The following KCNC2 variants were observed in gnomAD, a reference collection of about 807,000 sequenced individuals.
The protein encoded by KCNC2 is potassium voltage-gated channel subfamily C member 2, also known as voltage-gated potassium channel KCNC2.
Under a neutral mutation model 44.5 loss-of-function variants are expected in KCNC2, and 21 were observed. That is an observed-to-expected ratio of 0.47 (90% confidence interval 0.33 to 0.68). The LOEUF is 0.68. KCNC2 is among the 30% of genes least tolerant of loss of function. The pLI is 0.01. For synonymous variants in KCNC2, 391 were observed against 339.1 expected (o/e 1.15, Z -1.68); for missense variants, 589 against 826.2 (o/e 0.71, Z 3.52).
intron 2 of KCNC2, among the ~76,000 whole-genome samples, chr12:75,133,592 C>T (rs1367841096): frequency 6.6e-6 from 1 of 151,930 alleles, no homozygotes; most frequent in East Asian, 1.9e-4. Flanking sequence ...CAAGCCCAAA[C>T]CATATATAAA....
intron 2 of KCNC2, among the ~76,000 whole-genome samples, chr12:75,194,926 C>T (rs1191542173): frequency 1.3e-5 from 2 of 152,120 alleles, no homozygotes; most frequent in Non-Finnish European, 2.9e-5. Context: ...CAGTTTAATA[C>T]CTGCTTTCAT....
chr12:75,143,430 A>G (rs370036716), intron 2 of KCNC2, among the ~76,000 whole-genome samples: 2 of 152,302 alleles, frequency 1.3e-5, no homozygotes, highest in South Asian at 2.1e-4. Flanking sequence ...CAGAATTTCC[A>G]TCAAGTGTAC....
At chr12:75,158,803 C>T (rs541037892) in intron 2 of KCNC2, among the ~76,000 whole-genome samples, 1 of 151,930 alleles carries the variant, frequency 6.6e-6, no homozygotes, top group South Asian at 2.1e-4. Context: ...GGGTTATCTT[C>T]TACAGATTTT....
At chr12:75,133,217 A>C (rs1888978732) in intron 2 of KCNC2, among the ~76,000 whole-genome samples, 1 of 152,000 alleles carries the variant, frequency 6.6e-6, no homozygotes, top group African/African-American at 2.4e-5. Flanking sequence ...CTAGTGTTTG[A>C]TAGCACAATG....
At chr12:75,178,899 T>C (rs1227469977) in intron 2 of KCNC2, among the ~76,000 whole-genome samples, 1 of 151,984 alleles carries the variant, frequency 6.6e-6, no homozygotes, top group Non-Finnish European at 1.5e-5. Flanking sequence ...TAGAAAAGTT[T>C]TGGGACCCAT....
intron 2 of KCNC2, among the ~76,000 whole-genome samples, chr12:75,074,185 A>T (rs1473006372): frequency 6.6e-6 from 1 of 151,996 alleles, no homozygotes; most frequent in Non-Finnish European, 1.5e-5. Context: ...AGGAAAAATA[A>T]GTAGGAGGTC....
intron 2 of KCNC2, among the ~76,000 whole-genome samples, chr12:75,082,031 GC>G (rs1884559548): frequency 6.6e-6 from 1 of 151,914 alleles, no homozygotes; most frequent in Non-Finnish European, 1.5e-5. Flanking sequence ...TGAACAAGTT[GC>G]CTTTCTGCTA....
intron 3 of KCNC2, among the ~76,000 whole-genome samples, 155 bp from the exon 4 acceptor site, chr12:75,048,472 G>A (rs1231997899): frequency 6.6e-6 from 1 of 151,948 alleles, no homozygotes; most frequent in African/African-American, 2.4e-5. Flanking sequence ...CACTCTTCAC[G>A]AAAAATTACA....
intron 2 of KCNC2, among the ~76,000 whole-genome samples, chr12:75,107,240 G>A (rs1246207927): frequency 6.6e-6 from 1 of 152,060 alleles, no homozygotes; most frequent in African/African-American, 2.4e-5. Context: ...GGAGGTGGAG[G>A]TTGCAGTGAG....
intron 2 of KCNC2, among the ~76,000 whole-genome samples, chr12:75,061,197 A>G (rs1199834556): frequency 1.3e-5 from 2 of 152,226 alleles, no homozygotes; most frequent in East Asian, 1.9e-4. Flanking sequence ...GCCATACCAA[A>G]CATAAAGTTT....
chr12:75,118,576 T>C (rs1887837792), intron 2 of KCNC2, among the ~76,000 whole-genome samples: 1 of 151,714 alleles, frequency 6.6e-6, no homozygotes, highest in Non-Finnish European at 1.5e-5. Flanking sequence ...AGAAGACCAG[T>C]GGGGCCAGAA....
intron 2 of KCNC2, among the ~76,000 whole-genome samples, chr12:75,076,938 A>G (rs10161487): frequency 0.039 from 5,918 of 152,162 alleles, 362 homozygotes; most frequent in African/African-American, 0.13. Context: ...AACTTACAAA[A>G]ATTTTAGTTT....
At chr12:75,126,970 C>T (rs1040427721) in intron 2 of KCNC2, among the ~76,000 whole-genome samples, 2 of 152,082 alleles carry the variant, frequency 1.3e-5, no homozygotes, top group African/African-American at 4.8e-5. Flanking sequence ...CGAAAAGCTT[C>T]GAGCTTTCCA....
chr12:75,083,474 AC>A (rs1311776979), intron 2 of KCNC2, among the ~76,000 whole-genome samples: 1 of 151,974 alleles, frequency 6.6e-6, no homozygotes, highest in Non-Finnish European at 1.5e-5. Context: ...AAAGAGAATA[AC>A]ACATTAGAAA....
At position 75,178,512 on chromosome 12, in the gene KCNC2, G is replaced by A. The variant is rs77970275; in HGVS notation, c.687+28785C>T. On this transcript the variant is annotated intron_variant, in intron 2 of 4. Transcript: ENST00000549446. ...TGTTTTGTTTACTATTAACAATTTT[G>A]CAAAGACTTCATTGTAGATTGAAAC... Among the ~76,000 whole-genome samples the A allele has an allele frequency of 5.9e-5, 9 of 152,038 alleles. No individual in the cohort carries two copies. In the East Asian group the frequency reaches 1.5e-3, roughly 26 times the overall value.
At chr12:75,050,362 A>C (rs1881031917) in intron 3 of KCNC2, 28 bp downstream of exon 3, 1 of 1,478,326 alleles carries the variant, frequency 6.8e-7, no homozygotes, top group South Asian at 1.2e-5. Flanking sequence ...AAAGTATTTA[A>C]TAACATGCAT....
At position 75,053,268 on chromosome 12, in the gene KCNC2, A is replaced by AT. The variant is rs372444347; in HGVS notation, c.688-1952_688-1951insA. 7.0e-3 allele frequency among the ~76,000 whole-genome samples: 232 copies of AT among 33,072 alleles called. 1 individual carries two copies. The highest frequency in any genetic ancestry group is 0.022 in the African/African-American group (219 of 9,776). 21.7% of individuals were successfully genotyped at this position (33,072 alleles called of 152,430 possible). A position where few individuals can be genotyped will look rare whatever the true frequency, so the allele number is the denominator to read the frequency against. ...TGCCAATATGTACCTACTAACTCCC[A>AT]CCCCAACTACACTCTTCACCATCCC... On this transcript the variant is annotated intron_variant, in intron 2 of 4. Transcript: ENST00000549446.
intron 2 of KCNC2, among the ~76,000 whole-genome samples, chr12:75,076,377 A>C (rs1465963755): frequency 6.6e-6 from 1 of 151,966 alleles, no homozygotes; most frequent in Non-Finnish European, 1.5e-5. Flanking sequence ...GGTTCACGCC[A>C]TTCTCCTGCC....
At chr12:75,114,194 C>CT (rs896750377) in intron 2 of KCNC2, among the ~76,000 whole-genome samples, 1 of 152,114 alleles carries the variant, frequency 6.6e-6, no homozygotes, top group African/African-American at 2.4e-5. Context: ...GTGCTTTTGA[C>CT]TTTTTGGCTT....
Sources: gnomAD v4.1 joint callset for allele counts (sites outside exome capture counted in the v4.1 genomes callset) on GRCh38, gnomAD v4.1.1 for gene constraint, MANE v1.5 for transcripts, NCBI Gene and HGNC (gene_info 2026-07-23, HGNC 2026-07-21) for gene names.